The following PDE1A variants were observed in gnomAD, a reference collection of about 807,000 sequenced individuals.
The protein encoded by PDE1A is phosphodiesterase 1A.
Under a neutral mutation model 61.7 loss-of-function variants are expected in PDE1A, and 35 were observed. The observed-to-expected ratio is 0.57, with a 90% CI of 0.43 to 0.75. PDE1A has a LOEUF of 0.75. Ranked by LOEUF, PDE1A falls within the 30% of genes least tolerant of loss-of-function variation. The pLI, the probability that PDE1A is intolerant of heterozygous loss-of-function variation, is 0.00. For missense variants in PDE1A, 597 were observed against 630.6 expected (o/e 0.95, Z 0.57); for synonymous variants, 232 against 213.2 (o/e 1.09, Z -0.77).
chr2:182,576,364 G>A, the PDE1A span, among the ~76,000 whole-genome samples: 2 of 152,062 alleles, frequency 1.3e-5, no homozygotes, highest in Non-Finnish European at 2.9e-5. Flanking sequence ...ATGTTCTCAA[G>A]ATTCATCCTT....
the PDE1A span, among the ~76,000 whole-genome samples, chr2:182,562,349 G>C: frequency 6.7e-6 from 1 of 148,352 alleles, no homozygotes; most frequent in Non-Finnish European, 1.5e-5. Flanking sequence ...TTATATGCTG[G>C]ATTACATTTA....
At chr2:182,323,088 C>A (rs1381144578) in intron 1 of PDE1A, among the ~76,000 whole-genome samples, 1 of 152,046 alleles carries the variant, frequency 6.6e-6, no homozygotes, top group African/African-American at 2.4e-5. Context: ...CAAAATAAAA[C>A]AAATGTTATT....
intron 13 of PDE1A, among the ~76,000 whole-genome samples, chr2:182,177,022 C>T (rs1692871959): frequency 6.6e-6 from 1 of 150,976 alleles, no homozygotes. Context: ...AGCCTTGCAT[C>T]CCAGGGATGA....
At chr2:182,527,319 AAAAAAAAAATATATATATATAT>A (rs1690788350), upstream of PDE1A, among the ~76,000 whole-genome samples, 3 of 48,346 alleles carry the variant, frequency 6.2e-5, no homozygotes, top group Non-Finnish European at 1.1e-4. Context: ...AAAAAAAAAA[AAAAAAAAAATATATATATATAT>A]ATATATATAT....
chr2:182,315,010 T>C (rs1159028014), intron 1 of PDE1A, among the ~76,000 whole-genome samples: 1 of 152,184 alleles, frequency 6.6e-6, no homozygotes, highest in Non-Finnish European at 1.5e-5. Context: ...CTGGAAGGTA[T>C]GTTTTCTTAG....
chr2:182,558,767 A>G, the PDE1A span, among the ~76,000 whole-genome samples: 2 of 152,268 alleles, frequency 1.3e-5, no homozygotes, highest in African/African-American at 4.8e-5. Context: ...CATAGTGTAC[A>G]GTATTTAAAC....
the PDE1A span, among the ~76,000 whole-genome samples, chr2:182,701,838 C>T: frequency 6.6e-6 from 1 of 152,104 alleles, no homozygotes; most frequent in Non-Finnish European, 1.5e-5. Context: ...GCTTTTATTC[C>T]AGCAAAACTA....
At position 182,262,653 on chromosome 2, in the gene PDE1A, C is replaced by T. The variant is rs142900167; in HGVS notation, c.167+1648G>A. Among the ~76,000 whole-genome samples, 11 of 152,274 alleles carry T rather than the reference C, an allele frequency of 7.2e-5. No individual in the cohort carries two copies. The East Asian group carries it at 1.7e-3, about 24-fold the overall frequency. On this transcript the variant is annotated intron_variant, in intron 2 of 13. Transcript: ENST00000351439. ...GCAGACAAAGAAAGAATCGCTTGTG[C>T]AACAAAGCTCTCAATATGGCCTCTT...
chr2:182,584,649 T>G, the PDE1A span, among the ~76,000 whole-genome samples: 3 of 152,286 alleles, frequency 2.0e-5, no homozygotes, highest in East Asian at 5.8e-4. Context: ...TGACAGTATG[T>G]GCCAGAGAAG....
chr2:182,671,115 A>C, the PDE1A span, among the ~76,000 whole-genome samples: 7 of 151,988 alleles, frequency 4.6e-5, no homozygotes, highest in East Asian at 1.4e-3. Context: ...CACTGCGCCC[A>C]GCCATACTAT....
chr2:182,570,541 T>C, the PDE1A span, among the ~76,000 whole-genome samples: 1,158 of 152,314 alleles, frequency 7.6e-3, 17 homozygotes, highest in African/African-American at 0.026. Context: ...CTCAGTAGCA[T>C]TGTCATGTCA....
intron 1 of PDE1A, among the ~76,000 whole-genome samples, chr2:182,300,265 T>A (rs994864991): frequency 7.9e-5 from 12 of 152,180 alleles, no homozygotes; most frequent in African/African-American, 2.7e-4. Flanking sequence ...ATAAATAAGC[T>A]TCAGGAATAG....
chr2:182,242,995 A>T lies in PDE1A; in HGVS notation c.168-2703T>A, dbSNP rs1448136637. On this transcript the variant is annotated intron_variant, in intron 2 of 13. Transcript: ENST00000351439. ...ATAAGAAATCATCTTTCCATCATTTATGAATGCTGCGTGATAACTACCAGT... is the reference window on the plus strand; with the variant it reads ...ATAAGAAATCATCTTTCCATCATTTTTGAATGCTGCGTGATAACTACCAGT... Among the ~76,000 whole-genome samples, 9 of 151,200 alleles carry T rather than the reference A, an allele frequency of 6.0e-5. No individual in the cohort carries two copies. The East Asian group carries it at 1.8e-3, about 30-fold the overall frequency.
chr2:182,520,027 G>A (rs1382708456), intron 2 of PDE1A, among the ~76,000 whole-genome samples: 1 of 151,894 alleles, frequency 6.6e-6, no homozygotes, highest in Non-Finnish European at 1.5e-5. Context: ...GGTTTAATGA[G>A]TAGCATGATT....
In PDE1A at chr2:182,496,406, C is replaced by T. The variant is rs78924993; in HGVS notation, c.101+25870G>A. Among the ~76,000 whole-genome samples, 8 of 152,086 alleles carry T rather than the reference C, an allele frequency of 5.3e-5. No homozygotes were observed. The South Asian group carries it at 8.3e-4, about 16-fold the overall frequency. ...ATCTTTTTTATTATTATTTTCTTAA[C>T]GAAAAGAAGCAGTAGAAATAAAAAT... On this transcript the variant is annotated intron_variant, in intron 2 of 14. Coordinates refer to the PDE1A transcript ENST00000410103.
intron 1 of PDE1A, 70 bp downstream of exon 1, chr2:182,426,508 A>G (rs1183456116): frequency 1.8e-6 from 2 of 1,120,656 alleles, no homozygotes; most frequent in East Asian, 2.4e-5. Context: ...AGAATCCCCA[A>G]ATTAAGGATG....
chr2:182,392,598 T>C (rs1161589038), intron 1 of PDE1A, among the ~76,000 whole-genome samples: 27 of 99,810 alleles, frequency 2.7e-4, no homozygotes, highest in Non-Finnish European at 4.8e-5. Context: ...GTCCAAAGTC[T>C]CATCTGTAAC....
chr2:182,156,505 G>T (rs1691089172), intron 13 of PDE1A, among the ~76,000 whole-genome samples: 1 of 152,102 alleles, frequency 6.6e-6, no homozygotes, highest in South Asian at 2.1e-4. Context: ...ATTGGAAAGG[G>T]CGGGAGCATT....
intron 7 of PDE1A, among the ~76,000 whole-genome samples, chr2:182,218,722 GT>G (rs1291971300): frequency 6.6e-6 from 1 of 152,122 alleles, no homozygotes; most frequent in Non-Finnish European, 1.5e-5. Flanking sequence ...ATAAGATCAT[GT>G]GATTTTTTTC....
Sources: gnomAD v4.1 joint callset for allele counts (sites outside exome capture counted in the v4.1 genomes callset) on GRCh38, gnomAD v4.1.1 for gene constraint, MANE v1.5 for transcripts, NCBI Gene and HGNC (gene_info 2026-07-23, HGNC 2026-07-21) for gene names.